BAG6: variants seen among roughly 807,000 people sequenced by gnomAD.
BAG6 encodes the protein BAG cochaperone 6.
A neutral mutation model predicts 121.0 loss-of-function variants in BAG6; 22 were observed. The observed-to-expected ratio is 0.18, with a 90% CI of 0.13 to 0.26. The LOEUF (loss-of-function observed/expected upper bound fraction) is 0.26. Among genes scored for constraint, BAG6 ranks in the 10% least tolerant of loss-of-function variants. The pLI, the probability that BAG6 is intolerant of heterozygous loss-of-function variation, is 1.00. For missense variants in BAG6, 1,233 were observed against 1,537.7 expected (o/e 0.80, Z 3.31); for synonymous variants, 583 against 584.6 (o/e 1.00, Z 0.04).
At chr6:31,642,633 C>A in intron 15 of BAG6, 196 bp downstream of exon 15, 1 of 730,492 alleles carries the variant, frequency 1.4e-6, no homozygotes, top group Non-Finnish European at 2.2e-6. Flanking sequence ...ACACTAATTA[C>A]TATACTTTCT....
Position 31,645,486 on chromosome 6 carries a change from G to C in BAG6, c.1037C>G (p.Pro346Arg). The change falls in exon 9 of 26, where the codon CCA becomes CGA. Residue 346 changes from proline (P) to arginine (R), a missense_variant. By Grantham distance (103) the Pro-to-Arg change is moderately radical. Transcript: ENST00000676615. The stretch of plus-strand genomic sequence containing the variant: ...AGGCCGGACCACATGCAGGTGTCGT[G>C]GGGGCGTGCAGGCCAGATTGCAGCG... ...DLRCNLACTP[P>R]RHLHVVRPMS... 1.2e-6 allele frequency: 2 copies of C among 1,613,118 alleles called. No homozygotes were observed. The highest frequency in any genetic ancestry group is 8.5e-7 in the Non-Finnish European group (1 of 1,180,030).
In BAG6 at chr6:31,649,235, G is replaced by C; in HGVS notation, c.387C>G (p.Ala129=). Residue 129 remains alanine (A), a synonymous_variant, in exon 4 of 26, where the codon GCC becomes GCG. Transcript: ENST00000676615. The part of the protein sequence containing the change: ...GPGASVHDRN[A]NSYVMVGTFN... Reference sequence around the variant, plus strand: ...AGGTTCCAACCATGACATAGCTGTTGGCATTCCGGTCATGAACAGAGGCCC... The same window carrying C: ...AGGTTCCAACCATGACATAGCTGTTCGCATTCCGGTCATGAACAGAGGCCC... The C allele has an allele frequency of 6.2e-7, 1 of 1,613,058 alleles. No homozygotes were observed. The highest frequency in any genetic ancestry group is 8.5e-7 in the Non-Finnish European group (1 of 1,180,032).
intron 7 of BAG6, 53 bp from the exon 8 acceptor site, chr6:31,646,576 C>A: frequency 6.3e-7 from 1 of 1,598,148 alleles, no homozygotes. Flanking sequence ...GATTCCCACC[C>A]TCACAGTCAA....
At position 31,644,965 on chromosome 6, in the gene BAG6, C is replaced by T; in HGVS notation, c.1350G>A (p.Met450Ile). 1 of 1,591,346 alleles carries T rather than the reference C, an allele frequency of 6.3e-7. No homozygotes were observed. The highest frequency in any genetic ancestry group is 8.6e-7 in the Non-Finnish European group (1 of 1,168,092). The change falls in exon 10 of 26, where the codon ATG becomes ATA. Residue 450 changes from methionine (M) to isoleucine (I), a missense_variant. Around this residue, in one of 7 missense-constraint regions of BAG6, gnomAD observed 777 missense variants for 861.4 expected, o/e 0.90. Transcript: ENST00000676615. This position sits in a 1 kb window ranked among gnomAD's most constrained non-coding sequence, Gnocchi z 4.9. ...ISHQSVEPVV[M>I]MHMNIQDSGT... ...TCTCACCTTGAATGTTCATGTGCAT[C>T]ATGACCACGGGTTCCACACTCTGGT...
rs769574215 is a variant in BAG6 at position 31,649,370 on chromosome 6, C to G, written c.252G>C (p.Leu84=). The G allele has an allele frequency of 1.9e-5, 30 of 1,607,972 alleles. No homozygotes were observed. Among genetic ancestry groups the G allele is most frequent in the Non-Finnish European group, 2.5e-5 (30 of 1,177,286 alleles). The change falls in exon 4 of 26, where the codon CTG becomes CTC. Residue 84 remains leucine (L), a synonymous_variant. Coordinates refer to ENST00000676615, the MANE Select transcript of BAG6 (RefSeq NM_001387994.1). Reference sequence around the variant, plus strand: ...GAGTCTGAGGAGGAGCCCGTTCCACCAGGTGGATAACCTTTCCCCCAACAT... The same window carrying G: ...GAGTCTGAGGAGGAGCCCGTTCCACGAGGTGGATAACCTTTCCCCCAACAT... ...EYNVGGKVIH[L]VERAPPQTHL...
rs776043632 is a variant in BAG6, at chr6:31,639,580, C to T, written c.3313G>A (p.Gly1105Arg). Residue 1105 changes from glycine (G) to arginine (R), a missense_variant, in exon 25 of 26, where the codon GGA (glycine) becomes AGA (arginine). Transcript: ENST00000676615. ...EAVSRAAKAA[G>R]ARPLTSPESL... The stretch of plus-strand genomic sequence containing the variant: ...TCGGGGCTCGTCAGGGGCCGAGCTC[C>T]GGCTGCCTTAGCTGCCCGGCTCACA... The T allele has an allele frequency of 1.1e-5, 18 of 1,613,954 alleles. No individual in the cohort carries two copies. Among genetic ancestry groups the T allele is most frequent in the Admixed American group, 1.7e-5 (1 of 60,004 alleles).
rs1306798184 is a variant in BAG6 at position 31,642,289 on chromosome 6, C to CTGG, written c.2157_2158insCCA (p.Gly719_Gly720insPro). On this transcript the variant is annotated inframe_insertion, in exon 16 of 26. Transcript: ENST00000676615. ...GGTGACAGGCTCTCAAGACCCAGGC[C>CTGG]TCCAGGACTCCCTGCGCCACCAGAA... The CTGG allele has an allele frequency of 1.7e-5, 27 of 1,594,782 alleles. No homozygotes were observed. The highest frequency in any genetic ancestry group is 2.1e-5 in the Non-Finnish European group (25 of 1,171,282).
At position 31,647,513 on chromosome 6, in the gene BAG6, C is replaced by T. The variant is rs969711450; in HGVS notation, c.788+78G>A. 2.5e-6 allele frequency: 4 copies of T among 1,581,790 alleles called. No homozygotes were observed. The African/African-American group carries it at 5.5e-5, about 22-fold the overall frequency. ...AGACCTCCAAGTAATCCTTTCCCTC[C>T]CTTGCCATGGTTCATTTCCTTCTCC... On this transcript the variant is annotated intron_variant, in intron 7 of 25. Coordinates refer to ENST00000676615, the MANE Select transcript of BAG6 (RefSeq NM_001387994.1).
In BAG6 at chr6:31,645,497, G is replaced by A. The variant is rs191109252; in HGVS notation, c.1026C>T (p.Ala342=). ...VALSDLRCNL[A]CTPPRHLHVV... is the part of the protein sequence containing the mutation. The stretch of plus-strand genomic sequence containing the variant: ...CATGCAGGTGTCGTGGGGGCGTGCA[G>A]GCCAGATTGCAGCGCAGGTCAGACA... Residue 342 remains alanine (A), a synonymous_variant, in exon 9 of 26, where the codon GCC becomes GCT. Coordinates refer to ENST00000676615, the MANE Select transcript of BAG6 (RefSeq NM_001387994.1). 45 of 1,613,142 alleles carry A rather than the reference G, an allele frequency of 2.8e-5. No individual in the cohort carries two copies. The Admixed American group carries it at 3.5e-4, about 13-fold the overall frequency.
In BAG6 at chr6:31,643,974, C is replaced by T. The variant is rs1183636709; in HGVS notation, c.1672G>A (p.Gly558Ser). 2 of 1,614,046 alleles carry T rather than the reference C, an allele frequency of 1.2e-6. No homozygotes were observed. The highest frequency in any genetic ancestry group is 1.3e-5 in the African/African-American group (1 of 75,026). The change falls in exon 14 of 26, where the codon GGC becomes AGC. Residue 558 changes from glycine (G) to serine (S), a missense_variant. Transcript: ENST00000676615. ...GAGGCATTGGTACCCAGACCGGCGC[C>T]CTGCTGGATAGAGAGCAAGGGAGAA... ...GGPPVSGTLQ[G>S]AGLGTNASLA...
Position 31,641,929 on chromosome 6 carries a change from CA to C in BAG6, c.2351del (p.Leu784CysfsTer14). 1 of 1,612,944 alleles carries C rather than the reference CA, an allele frequency of 6.2e-7. No individual in the cohort carries two copies. The highest frequency in any genetic ancestry group is 8.5e-7 in the Non-Finnish European group (1 of 1,179,984). On this transcript the variant is annotated frameshift_variant, in exon 17 of 26. Coordinates refer to ENST00000676615, the MANE Select transcript of BAG6 (RefSeq NM_001387994.1). LOFTEE classifies it high-confidence loss of function. The surrounding 1 kb of genome is among the most constrained non-coding windows in gnomAD (Gnocchi z 5.7). ...AGAAGTTCTGGCACAGAAGAGAAAG[CA>C]AGGCCCCAAAGAATCCTGGGGGACA... The part of the protein sequence containing the change: ...ADGALGFFGA[L>X]LSLLCQNFSM...
At position 31,641,662 on chromosome 6, in the gene BAG6, A is replaced by C; in HGVS notation, c.2506-70T>G. On this transcript the variant is annotated intron_variant, in intron 17 of 25. Transcript: ENST00000676615. This position sits in a 1 kb window ranked among gnomAD's most constrained non-coding sequence, Gnocchi z 5.7. Reference sequence around the variant, plus strand: ...CCAAGACTTCCACCTCGACCCCAACAAGTCCAGGGCTTGTGTGGGGGCAAT... The same window carrying C: ...CCAAGACTTCCACCTCGACCCCAACCAGTCCAGGGCTTGTGTGGGGGCAAT... 6.2e-7 allele frequency: 1 copy of C among 1,610,046 alleles called. No homozygotes were observed. Among genetic ancestry groups the C allele is most frequent in the Non-Finnish European group, 8.5e-7 (1 of 1,176,304 alleles).
chr6:31,647,664 C>G lies in BAG6; in HGVS notation c.715G>C (p.Ala239Pro). 6.2e-7 allele frequency: 1 copy of G among 1,604,618 alleles called. No homozygotes were observed. The highest frequency in any genetic ancestry group is 8.5e-7 in the Non-Finnish European group (1 of 1,176,968). Residue 239 changes from alanine (A) to proline (P), a missense_variant, in exon 7 of 26, where the codon GCC (alanine) becomes CCC (proline). This residue lies in a region of BAG6 where 777 missense variants were observed against 861.4 expected (regional missense o/e 0.90). Coordinates refer to ENST00000676615, the MANE Select transcript of BAG6 (RefSeq NM_001387994.1). Reference protein sequence around the residue: ...EAEEVEERAPAQNPELTPGPA... With the variant: ...EAEEVEERAPPQNPELTPGPA... Reference sequence around the variant, plus strand: ...CCAGGAGTGAGCTCCGGGTTCTGGGCTGGGGCACGCTCCTCCACTTCTTCT... The same window carrying G: ...CCAGGAGTGAGCTCCGGGTTCTGGGGTGGGGCACGCTCCTCCACTTCTTCT...
Position 31,641,075 on chromosome 6 carries a change from C to T in BAG6, c.2787+29G>A. The T allele has an allele frequency of 1.2e-6, 2 of 1,612,098 alleles. No homozygotes were observed. Among genetic ancestry groups the T allele is most frequent in the Non-Finnish European group, 1.7e-6 (2 of 1,179,450 alleles). ...AATGGAAACCTCAGGAAACAAAAGG[C>T]TAAGGATCTGGGGCTAGGTGGTGCT... On this transcript the variant is annotated intron_variant, in intron 20 of 25. Coordinates refer to ENST00000676615, the MANE Select transcript of BAG6 (RefSeq NM_001387994.1). The surrounding 1 kb of genome is among the most constrained non-coding windows in gnomAD (Gnocchi z 5.7).
In BAG6 at chr6:31,640,711, A is replaced by G. The variant is rs1186483293; in HGVS notation, c.2935-7T>C. On this transcript the variant is annotated splice_region_variant and splice_polypyrimidine_tract_variant and intron_variant, in intron 21 of 25. Transcript: ENST00000676615. The surrounding 1 kb of genome is among the most constrained non-coding windows in gnomAD (Gnocchi z 4.2). ...TTGGCTCCTCAGGAAGTGGCTGTGA[A>G]ATTAAAGAACACCATACTTCCTCTC... The G allele has an allele frequency of 1.7e-5, 28 of 1,612,826 alleles. No homozygotes were observed. The highest frequency in any genetic ancestry group is 2.4e-5 in the Non-Finnish European group (28 of 1,180,004).
In BAG6 at chr6:31,640,810, C is replaced by T; in HGVS notation, c.2916G>A (p.Arg972=). Residue 972 remains arginine (R), a synonymous_variant, in exon 21 of 26, where the codon AGG becomes AGA. Transcript: ENST00000676615. This position sits in a 1 kb window ranked among gnomAD's most constrained non-coding sequence, Gnocchi z 4.2. ...CCCTTACCTGGGGGGGATCACCAAC[C>T]CTGCGAACGTATCTGAGAATGGCAT... ...GPDAILRYVR[R]VGDPPQPLPE... is the part of the protein sequence containing the mutation. 2 of 1,612,746 alleles carry T rather than the reference C, an allele frequency of 1.2e-6. No individual in the cohort carries two copies. Among genetic ancestry groups the T allele is most frequent in the Non-Finnish European group, 1.7e-6 (2 of 1,180,020 alleles).
In BAG6 at chr6:31,645,122, G is replaced by A. The variant is rs1489043715; in HGVS notation, c.1193C>T (p.Pro398Leu). 2 of 1,613,068 alleles carry A rather than the reference G, an allele frequency of 1.2e-6. No individual in the cohort carries two copies. Among genetic ancestry groups the A allele is most frequent in the Non-Finnish European group, 1.7e-6 (2 of 1,180,024 alleles). Residue 398 changes from proline to leucine, a missense_variant, in exon 10 of 26, where the codon CCC (proline) becomes CTC (leucine). This residue lies in a region of BAG6 where 777 missense variants were observed against 861.4 expected (regional missense o/e 0.90). Coordinates refer to ENST00000676615, the MANE Select transcript of BAG6 (RefSeq NM_001387994.1). ...PPPTPNAEAP[P>L]PGPGQASSVA... The stretch of plus-strand genomic sequence containing the variant: ...GGATGAGGCCTGCCCAGGACCAGGG[G>A]GAGGTGCCTCTGCATTGGGAGTTGG...
At chr6:31,648,794 C>T in intron 5 of BAG6, 43 bp from the exon 6 acceptor site, 2 of 1,611,054 alleles carry the variant, frequency 1.2e-6, no homozygotes, top group Non-Finnish European at 1.7e-6. Context: ...ACAGATGAAG[C>T]CATGAGTTCT....
intron 16 of BAG6, 48 bp downstream of exon 16, chr6:31,642,064 C>T: frequency 8.8e-6 from 14 of 1,598,612 alleles, no homozygotes; most frequent in Non-Finnish European, 1.1e-5. Context: ...ATCTACATTC[C>T]TCTGGCTGCC....
Sources: allele counts gnomAD v4.1 joint callset, GRCh38; gene constraint gnomAD v4.1.1; regional missense constraint gnomAD v4.1.1; non-coding constraint Gnocchi (gnomAD v3.1); transcripts MANE v1.5; gene names NCBI Gene and HGNC (gene_info 2026-07-23, HGNC 2026-07-21).